The following TNR variants were observed in gnomAD, a reference collection of about 807,000 sequenced individuals.
TNR encodes tenascin R, also known as tenascin-R.
Under a neutral mutation model 150.4 loss-of-function variants are expected in TNR, and 45 were observed. That is an observed-to-expected ratio of 0.30 (90% CI 0.24 to 0.38). TNR has a LOEUF of 0.38. TNR is among the 10% of genes least tolerant of loss of function. The probability of loss-of-function intolerance (pLI) is 1.00; values close to 1 mark genes in which losing one functional copy is unlikely to be tolerated. For missense variants in TNR, 1,544 were observed against 1,759.1 expected (o/e 0.88, Z 2.19); for synonymous variants, 687 against 678.4 (o/e 1.01, Z -0.20).
At chr1:175,392,888 G>A (rs1019874604) in intron 6 of TNR, among the ~76,000 whole-genome samples, 2 of 152,176 alleles carry the variant, frequency 1.3e-5, no homozygotes, top group African/African-American at 4.8e-5. Flanking sequence ...AAGGTCTTTT[G>A]TAACTCCAAC....
intron 2 of TNR, among the ~76,000 whole-genome samples, chr1:175,451,660 G>C (rs959579493): frequency 1.3e-5 from 2 of 152,220 alleles, no homozygotes; most frequent in Non-Finnish European, 2.9e-5. Context: ...TAGTGCGGCG[G>C]CTGGCATTCC....
At chr1:175,397,693 C>T (rs1336235195) in intron 4 of TNR, among the ~76,000 whole-genome samples, 1 of 152,202 alleles carries the variant, frequency 6.6e-6, no homozygotes, top group East Asian at 1.9e-4. Context: ...TTTTTATTAG[C>T]CTCAATCTTG....
intron 1 of TNR, among the ~76,000 whole-genome samples, chr1:175,685,385 T>C (rs1268268585): frequency 6.6e-6 from 1 of 152,172 alleles, no homozygotes; most frequent in African/African-American, 2.4e-5. Flanking sequence ...ACAATACTCA[T>C]TGCACACTGC....
chr1:175,406,247 G>T lies in TNR; in HGVS notation c.468C>A (p.Asn156Lys), dbSNP rs765569785. Residue 156 changes from asparagine to lysine, a missense_variant, in exon 3 of 23, where the codon AAC becomes AAA. Physicochemically the swap from Asn to Lys is moderately conservative, Grantham distance 94 (BLOSUM62 0). Around this residue, in one of 2 missense-constraint regions of TNR, gnomAD observed 1,254 missense variants for 1,329.4 expected, o/e 0.94. Coordinates refer to ENST00000367674, the MANE Select transcript of TNR (RefSeq NM_003285.3). ...REVSVLRDQCNANCCQESAAT... is the reference protein window; with the variant it reads ...REVSVLRDQCKANCCQESAAT... ...CAGCACTTTCTTGGCAGCAGTTGGC[G>T]TTGCACTGGTCTCGCAGCACCGACA... The T allele has an allele frequency of 3.1e-6, 5 of 1,614,102 alleles. No homozygotes were observed. The highest frequency in any genetic ancestry group is 4.2e-6 in the Non-Finnish European group (5 of 1,180,016).
chr1:175,471,180 C>T (rs1414593892), intron 2 of TNR, among the ~76,000 whole-genome samples: 1 of 152,194 alleles, frequency 6.6e-6, no homozygotes, highest in African/African-American at 2.4e-5. Context: ...ACACGCCGGG[C>T]TGAGTAATGA....
chr1:175,652,312 T>C (rs894971287), intron 1 of TNR, among the ~76,000 whole-genome samples: 1 of 151,824 alleles, frequency 6.6e-6, no homozygotes, highest in South Asian at 2.1e-4. Flanking sequence ...AACTTAATAG[T>C]TTCAACTACA....
chr1:175,361,875 C>T (rs759249325), intron 14 of TNR, among the ~76,000 whole-genome samples: 5 of 152,300 alleles, frequency 3.3e-5, no homozygotes, highest in Non-Finnish European at 5.9e-5. Context: ...GGGCCAGAGA[C>T]GGAGGAGCAG....
intron 8 of TNR, among the ~76,000 whole-genome samples, chr1:175,383,856 C>T (rs553553722): frequency 2.0e-5 from 3 of 152,186 alleles, no homozygotes; most frequent in Non-Finnish European, 4.4e-5. Context: ...CCCTCACCCT[C>T]CTCCAGCAGA....
In TNR at chr1:175,612,005, T is replaced by A. The variant is rs1480714143; in HGVS notation, c.-164-83636A>T. 2.6e-5 allele frequency among the ~76,000 whole-genome samples: 4 copies of A among 152,334 alleles called. No homozygotes were observed. In the East Asian group the frequency reaches 5.8e-4, roughly 22 times the overall value. On this transcript the variant is annotated intron_variant, in intron 1 of 22. Transcript: ENST00000367674. ...TCAATCTCCTTCCAGGCTGGTTAGA[T>A]GACATGTGGCTTAGAGTTCACAGAC...
intron 1 of TNR, among the ~76,000 whole-genome samples, chr1:175,693,913 T>C (rs1321642043): frequency 4.6e-5 from 7 of 152,234 alleles, no homozygotes; most frequent in Non-Finnish European, 1.0e-4. Context: ...TTCATGTATA[T>C]AAAACATCAA....
rs111291508 is a variant in TNR at position 175,360,549 on chromosome 1, A to G, written c.2855-818T>C. Among the ~76,000 whole-genome samples the G allele has an allele frequency of 3.7e-3, 569 of 152,322 alleles. 7 individuals are homozygous for G. The highest frequency in any genetic ancestry group is 0.013 in the African/African-American group (544 of 41,566). Reference sequence around the variant, plus strand: ...TTCCATCAGGTTATAATTTATCACAAGTGGATGTTATTACAACAGTTTAGT... The same window carrying G: ...TTCCATCAGGTTATAATTTATCACAGGTGGATGTTATTACAACAGTTTAGT... On this transcript the variant is annotated intron_variant, in intron 14 of 22. Transcript: ENST00000367674.
At chr1:175,553,817 A>AACACACACACACACACACACACACAC (rs58714689) in intron 1 of TNR, among the ~76,000 whole-genome samples, 6 of 145,498 alleles carry the variant, frequency 4.1e-5, no homozygotes, top group Non-Finnish European at 6.0e-5. Flanking sequence ...TACAAGAACA[A>AACACACACACACACACACACACACAC]ACACACACAC....
chr1:175,415,313 G>C (rs778602662), intron 2 of TNR, among the ~76,000 whole-genome samples: 15 of 152,116 alleles, frequency 9.9e-5, no homozygotes, highest in Non-Finnish European at 2.9e-5. Context: ...GGGAGAACTC[G>C]GAGCCAGCTC....
intron 1 of TNR, among the ~76,000 whole-genome samples, chr1:175,582,294 C>G (rs1242612320): frequency 2.0e-5 from 3 of 152,156 alleles, no homozygotes; most frequent in South Asian, 2.1e-4. Context: ...ATTGCAAGAG[C>G]TAGGACTCAC....
At chr1:175,561,455 C>G (rs982241218) in intron 1 of TNR, among the ~76,000 whole-genome samples, 2 of 152,190 alleles carry the variant, frequency 1.3e-5, no homozygotes, top group Admixed American at 6.5e-5. Flanking sequence ...CTTCTGTTCC[C>G]TTCACTCACA....
intron 2 of TNR, among the ~76,000 whole-genome samples, chr1:175,480,556 A>T (rs970870891): frequency 2.8e-4 from 43 of 152,294 alleles, no homozygotes; most frequent in African/African-American, 9.1e-4. Context: ...CTCTGGTCAT[A>T]ATGACTTGAC....
At chr1:175,466,371 G>C (rs543825269) in intron 2 of TNR, among the ~76,000 whole-genome samples, 21 of 152,168 alleles carry the variant, frequency 1.4e-4, no homozygotes, top group Non-Finnish European at 2.5e-4. Context: ...TTGTTCCCCA[G>C]TTCTAGATAT....
intron 2 of TNR, among the ~76,000 whole-genome samples, chr1:175,418,035 A>AC (rs201429588): frequency 0.014 from 2,190 of 152,298 alleles, 18 homozygotes; most frequent in Non-Finnish European, 0.025. Context: ...GGTGAATTAT[A>AC]CCTTCTAGTG....
chr1:175,714,844 T>C (rs980108189), intron 1 of TNR, among the ~76,000 whole-genome samples: 2 of 152,188 alleles, frequency 1.3e-5, no homozygotes, highest in Admixed American at 6.5e-5. Flanking sequence ...GCGGGGAGCC[T>C]TGTGAGGCTG....
Sources: gnomAD v4.1 joint callset for allele counts (sites outside exome capture counted in the v4.1 genomes callset) on GRCh38, gnomAD v4.1.1 for gene constraint, gnomAD v4.1.1 regional missense constraint, MANE v1.5 for transcripts, NCBI Gene and HGNC (gene_info 2026-07-23, HGNC 2026-07-21) for gene names.